The following RORA variants were observed in gnomAD, a reference collection of about 807,000 sequenced individuals.
RORA encodes nuclear receptor ROR-alpha.
Under a neutral mutation model 69.5 loss-of-function variants are expected in RORA, and 7 were observed. The observed-to-expected ratio is 0.10, with a 90% confidence interval of 0.06 to 0.19. RORA has a LOEUF of 0.19. RORA is among the 10% of genes least tolerant of loss of function. The probability of loss-of-function intolerance (pLI) is 1.00; values close to 1 mark genes in which losing one functional copy is unlikely to be tolerated. For missense variants in RORA, 457 were observed against 663.0 expected (o/e 0.69, Z 3.41); for synonymous variants, 261 against 240.8 (o/e 1.08, Z -0.78).
chr15:60,629,292 T>A (rs568213897), intron 2 of RORA, among the ~76,000 whole-genome samples: 1 of 149,536 alleles, frequency 6.7e-6, no homozygotes, highest in South Asian at 2.1e-4. Flanking sequence ...GTTCAAGCGA[T>A]TCTCCTGCCT....
chr15:60,712,063 T>A (rs1004432304), intron 1 of RORA, among the ~76,000 whole-genome samples: 2 of 152,230 alleles, frequency 1.3e-5, no homozygotes, highest in Non-Finnish European at 2.9e-5. Context: ...AGTGTATTTT[T>A]CTTCTATGAA....
At chr15:60,889,565 G>T (rs988253519) in intron 1 of RORA, among the ~76,000 whole-genome samples, 1 of 152,230 alleles carries the variant, frequency 6.6e-6, no homozygotes, top group Admixed American at 6.5e-5. Context: ...GAGAGCGACA[G>T]TTGGAGAGAA....
At chr15:60,499,358 A>C (rs2065260782) in intron 10 of RORA, among the ~76,000 whole-genome samples, 1 of 152,040 alleles carries the variant, frequency 6.6e-6, no homozygotes, top group African/African-American at 2.4e-5. Flanking sequence ...ATAGCAAGAT[A>C]CCCATCTCTA....
chr15:60,947,032 G>A (rs537245496), intron 1 of RORA, among the ~76,000 whole-genome samples: 1,183 of 113,508 alleles, frequency 0.01, 13 homozygotes, highest in African/African-American at 0.031. Flanking sequence ...GCCAGCCCCC[G>A]CCCGGCCAGC....
At chr15:60,777,700 G>A (rs898996134) in intron 1 of RORA, among the ~76,000 whole-genome samples, 4 of 152,094 alleles carry the variant, frequency 2.6e-5, no homozygotes, top group African/African-American at 4.8e-5. Flanking sequence ...AGGTGAAGTC[G>A]AAAGAGTCCC....
intron 1 of RORA, among the ~76,000 whole-genome samples, chr15:61,176,717 C>T (rs1377120835): frequency 6.6e-6 from 1 of 152,058 alleles, no homozygotes; most frequent in African/African-American, 2.4e-5. Flanking sequence ...AAATAATAAC[C>T]CTTACAGAGT....
chr15:60,735,609 C>A (rs1322977163), intron 1 of RORA, among the ~76,000 whole-genome samples: 1 of 151,892 alleles, frequency 6.6e-6, no homozygotes, highest in African/African-American at 2.4e-5. Context: ...CTTCGGCCTC[C>A]AGAAGAGACA....
At chr15:60,903,585 G>A (rs1310674090) in intron 1 of RORA, among the ~76,000 whole-genome samples, 2 of 152,130 alleles carry the variant, frequency 1.3e-5, no homozygotes, top group African/African-American at 4.8e-5. Flanking sequence ...AATTCAGCTG[G>A]TGAAGCTATT....
intron 1 of RORA, among the ~76,000 whole-genome samples, chr15:60,815,604 C>T (rs969643559): frequency 1.3e-5 from 2 of 151,942 alleles, no homozygotes; most frequent in Non-Finnish European, 2.9e-5. Context: ...TCCCCCACTG[C>T]AGCCAGAGCC....
intron 2 of RORA, among the ~76,000 whole-genome samples, chr15:60,675,180 T>C (rs1209393454): frequency 6.6e-6 from 1 of 152,208 alleles, no homozygotes; most frequent in Non-Finnish European, 1.5e-5. Context: ...CAGGAGTGAA[T>C]GACTCGTTGT....
At chr15:60,573,883 C>T (rs2067952849) in intron 2 of RORA, among the ~76,000 whole-genome samples, 2 of 152,214 alleles carry the variant, frequency 1.3e-5, no homozygotes, top group Non-Finnish European at 2.9e-5. Flanking sequence ...CCTCCCTGGC[C>T]TGTGAGCTCC....
At chr15:60,922,860 A>C (rs552490566) in intron 1 of RORA, among the ~76,000 whole-genome samples, 1 of 152,374 alleles carries the variant, frequency 6.6e-6, no homozygotes, top group East Asian at 1.9e-4. Flanking sequence ...TATAAAGGAA[A>C]GACCCTTTAA....
chr15:60,814,768 G>T (rs972649624), intron 1 of RORA, among the ~76,000 whole-genome samples: 7 of 152,134 alleles, frequency 4.6e-5, no homozygotes, highest in Non-Finnish European at 1.0e-4. Flanking sequence ...CCAAAGCACT[G>T]TCCTTGGCAT....
chr15:61,123,547 A>G (rs1268957967), intron 1 of RORA, among the ~76,000 whole-genome samples: 1 of 152,154 alleles, frequency 6.6e-6, no homozygotes, highest in African/African-American at 2.4e-5. Flanking sequence ...GCAAATTGGG[A>G]ATGTTCTCAC....
intron 1 of RORA, among the ~76,000 whole-genome samples, chr15:61,076,315 C>CT (rs2078448661): frequency 6.6e-6 from 1 of 151,884 alleles, no homozygotes; most frequent in African/African-American, 2.4e-5. Context: ...CATAAAGTGA[C>CT]TTGTCTCTTC....
chr15:60,680,378 T>C (rs1433662771), intron 1 of RORA, among the ~76,000 whole-genome samples: 1 of 152,234 alleles, frequency 6.6e-6, no homozygotes, highest in Non-Finnish European at 1.5e-5. Flanking sequence ...AAAGGCCTGA[T>C]GAAAATACCA....
chr15:61,162,911 C>T (rs1397557146), intron 1 of RORA, among the ~76,000 whole-genome samples: 3 of 152,188 alleles, frequency 2.0e-5, no homozygotes, highest in Non-Finnish European at 4.4e-5. Flanking sequence ...TTGTTGTATG[C>T]TACATTTAAT....
At chr15:60,861,639 C>T (rs1026322560) in intron 1 of RORA, among the ~76,000 whole-genome samples, 3 of 152,160 alleles carry the variant, frequency 2.0e-5, no homozygotes, top group Non-Finnish European at 4.4e-5. Context: ...CAGGTGCGAG[C>T]CACCATGCCT....
chr15:60,750,026 T>C (rs2071702337), intron 1 of RORA, among the ~76,000 whole-genome samples: 1 of 152,206 alleles, frequency 6.6e-6, no homozygotes, highest in Admixed American at 6.6e-5. Flanking sequence ...CAAGACTCTG[T>C]CTTAAAAACA....
Sources: gnomAD v4.1 joint callset for allele counts (sites outside exome capture counted in the v4.1 genomes callset) on GRCh38, gnomAD v4.1.1 for gene constraint, MANE v1.5 for transcripts, NCBI Gene and HGNC (gene_info 2026-07-23, HGNC 2026-07-21) for gene names.